DENND1A: variants seen among roughly 807,000 people sequenced by gnomAD.
The protein encoded by DENND1A is DENN domain containing 1A.
A neutral mutation model predicts 113.7 loss-of-function variants in DENND1A; 51 were observed. The observed-to-expected ratio is 0.45, with a 90% CI of 0.36 to 0.57. The LOEUF is 0.57. DENND1A is among the 20% of genes least tolerant of loss of function. The pLI is 0.00. For missense variants in DENND1A, 1,258 were observed against 1,395.9 expected (o/e 0.90, Z 1.57); for synonymous variants, 565 against 570.8 (o/e 0.99, Z 0.14).
chr9:123,741,747 T>C (rs1349634016), intron 5 of DENND1A, among the ~76,000 whole-genome samples: 2 of 152,178 alleles, frequency 1.3e-5, no homozygotes, highest in East Asian at 3.8e-4. Context: ...GGGTGCTGAG[T>C]GTCATTCAAC....
intron 5 of DENND1A, among the ~76,000 whole-genome samples, chr9:123,742,094 G>A (rs567344996): frequency 6.6e-6 from 1 of 152,180 alleles, no homozygotes; most frequent in East Asian, 1.9e-4. Flanking sequence ...GCGCCCCAAC[G>A]CTGTTTGTCC....
intron 5 of DENND1A, among the ~76,000 whole-genome samples, chr9:123,749,631 A>G (rs961756886): frequency 1.3e-5 from 2 of 152,124 alleles, no homozygotes; most frequent in African/African-American, 2.4e-5. Context: ...CCTGCCTTCC[A>G]CTCCAAATCC....
chr9:123,420,826 C>T (rs931933137), intron 19 of DENND1A, among the ~76,000 whole-genome samples: 5 of 77,028 alleles, frequency 6.5e-5, no homozygotes, highest in East Asian at 7.9e-4. Context: ...GCGTGGGGGC[C>T]GGGTGACCCT....
At chr9:123,514,552 G>A (rs987155013) in intron 13 of DENND1A, among the ~76,000 whole-genome samples, 3 of 152,170 alleles carry the variant, frequency 2.0e-5, no homozygotes, top group Admixed American at 1.3e-4. Context: ...CAGGGGCAGC[G>A]ACAGAAGCGT....
At chr9:123,477,393 T>C (rs1459439328) in intron 13 of DENND1A, among the ~76,000 whole-genome samples, 1 of 151,548 alleles carries the variant, frequency 6.6e-6, no homozygotes, top group Non-Finnish European at 1.5e-5. Context: ...TCTATAAATT[T>C]TTTTTTTTTT....
chr9:123,660,863 G>A (rs551147198), intron 8 of DENND1A, among the ~76,000 whole-genome samples: 8 of 152,326 alleles, frequency 5.3e-5, no homozygotes, highest in Admixed American at 5.2e-4. Flanking sequence ...TTCAAGCTGG[G>A]GCCATTAGTC....
chr9:123,855,455 C>T (rs1844020255), intron 2 of DENND1A, among the ~76,000 whole-genome samples: 1 of 151,948 alleles, frequency 6.6e-6, no homozygotes, highest in African/African-American at 2.4e-5. Context: ...GAGTATTGTA[C>T]AGAAAAGAGA....
intron 2 of DENND1A, among the ~76,000 whole-genome samples, chr9:123,871,734 C>A: frequency 6.6e-6 from 1 of 152,070 alleles, no homozygotes; most frequent in East Asian, 1.9e-4. Flanking sequence ...ACCTAACCAC[C>A]CCATTCTTTT....
intron 18 of DENND1A, among the ~76,000 whole-genome samples, chr9:123,442,837 A>G (rs2047027684): frequency 6.6e-6 from 1 of 152,164 alleles, no homozygotes; most frequent in Non-Finnish European, 1.5e-5. Flanking sequence ...TATTTTTGCA[A>G]TGGGAGACTA....
intron 13 of DENND1A, among the ~76,000 whole-genome samples, chr9:123,484,442 T>G (rs914491621): frequency 1.3e-5 from 2 of 152,196 alleles, no homozygotes; most frequent in Non-Finnish European, 2.9e-5. Context: ...ATGGTTATCA[T>G]GCCTTTAGCA....
intron 1 of DENND1A, among the ~76,000 whole-genome samples, chr9:123,890,319 T>C (rs913962049): frequency 1.3e-5 from 2 of 152,206 alleles, no homozygotes; most frequent in Non-Finnish European, 2.9e-5. Context: ...GAGGAGGCCA[T>C]GAAAAGCTTC....
At position 123,481,930 on chromosome 9, in the gene DENND1A, G is replaced by A. The variant is rs1384777841; in HGVS notation, c.994-24033C>T. On this transcript the variant is annotated intron_variant, in intron 13 of 23. Coordinates refer to ENST00000394215, the MANE Select transcript of DENND1A (RefSeq NM_001352964.2). ...CATGCCTCAGCTACCTGAGTAGCTG[G>A]GATTACAGATGTGTGCCACCATGTC... Among the ~76,000 whole-genome samples, 6 of 151,022 alleles carry A rather than the reference G, an allele frequency of 4.0e-5. No individual in the cohort carries two copies. The East Asian group carries it at 9.7e-4, about 24-fold the overall frequency.
intron 10 of DENND1A, among the ~76,000 whole-genome samples, chr9:123,627,611 G>A (rs543259328): frequency 1.3e-4 from 20 of 152,108 alleles, no homozygotes; most frequent in African/African-American, 4.3e-4. Flanking sequence ...GTGATGGTAC[G>A]CGCCTGTAAT....
At chr9:123,830,632 AG>A (rs1840034268) in intron 2 of DENND1A, among the ~76,000 whole-genome samples, 1 of 151,980 alleles carries the variant, frequency 6.6e-6, no homozygotes, top group African/African-American at 2.4e-5. Flanking sequence ...TGGGAGGCCG[AG>A]GGGGGCGGAC....
chr9:123,393,806 C>G (rs2042975590), intron 21 of DENND1A, among the ~76,000 whole-genome samples: 1 of 152,180 alleles, frequency 6.6e-6, no homozygotes, highest in South Asian at 2.1e-4. Context: ...TCACGATCAC[C>G]AGCATGCTCT....
At chr9:123,493,877 C>G (rs2051615906) in intron 13 of DENND1A, among the ~76,000 whole-genome samples, 1 of 152,170 alleles carries the variant, frequency 6.6e-6, no homozygotes, top group South Asian at 2.1e-4. Flanking sequence ...GCTTCTGGCT[C>G]TCTTTCCTGA....
intron 13 of DENND1A, among the ~76,000 whole-genome samples, chr9:123,466,881 TAAAAA>T (rs55719445): frequency 6.8e-6 from 1 of 147,206 alleles, no homozygotes. Flanking sequence ...CCCCATCTCT[TAAAAA>T]AAAAAAAAAA....
At chr9:123,661,441 A>G (rs2063229041) in intron 8 of DENND1A, among the ~76,000 whole-genome samples, 1 of 152,246 alleles carries the variant, frequency 6.6e-6, no homozygotes, top group Non-Finnish European at 1.5e-5. Flanking sequence ...ATAACCTACC[A>G]TTCCTACTCA....
chr9:123,473,373 G>A (rs752798174), intron 13 of DENND1A, among the ~76,000 whole-genome samples: 1 of 152,110 alleles, frequency 6.6e-6, no homozygotes, highest in Admixed American at 6.5e-5. Flanking sequence ...TAGACCACAT[G>A]TGCAGAGCAG....
Sources: gnomAD v4.1 joint callset for allele counts (sites outside exome capture counted in the v4.1 genomes callset) on GRCh38, gnomAD v4.1.1 for gene constraint, MANE v1.5 for transcripts, NCBI Gene and HGNC (gene_info 2026-07-23, HGNC 2026-07-21) for gene names.